The following PITPNC1 variants were observed in gnomAD, a reference collection of about 807,000 sequenced individuals.
PITPNC1 encodes the protein cytoplasmic phosphatidylinositol transfer protein 1.
A neutral mutation model predicts 44.7 loss-of-function variants in PITPNC1; 18 were observed. The ratio of observed to expected loss-of-function variants is 0.40; its 90% CI spans 0.28 to 0.60. The LOEUF (loss-of-function observed/expected upper bound fraction) is 0.60, where lower values mean the gene tolerates loss of function less well. Ranked by LOEUF, PITPNC1 falls within the 20% of genes least tolerant of loss-of-function variation. The pLI, the probability that PITPNC1 is intolerant of heterozygous loss-of-function variation, is 0.39. For synonymous variants in PITPNC1, 141 were observed against 149.6 expected, an observed-to-expected ratio of 0.94 and a Z score of 0.42; for missense variants, 290 against 418.4, an observed-to-expected ratio of 0.69 and a Z score of 2.68.
chr17:67,431,146 C>G (rs1000020659), intron 1 of PITPNC1, among the ~76,000 whole-genome samples: 1 of 149,620 alleles, frequency 6.7e-6, no homozygotes, highest in African/African-American at 2.5e-5. Context: ...GCAAGCTCCA[C>G]CTCCCGGGTT....
At chr17:67,685,857 G>C (rs879917507) in intron 8 of PITPNC1, among the ~76,000 whole-genome samples, 1 of 151,846 alleles carries the variant, frequency 6.6e-6, no homozygotes, top group African/African-American at 2.4e-5. Flanking sequence ...TTGAGACAGG[G>C]TCTCACTCTG....
chr17:67,556,062 G>T (rs1005591603), intron 4 of PITPNC1, among the ~76,000 whole-genome samples: 2 of 152,206 alleles, frequency 1.3e-5, no homozygotes, highest in African/African-American at 4.8e-5. Flanking sequence ...AAACAAGCTG[G>T]CCTCAGACCT....
intron 1 of PITPNC1, among the ~76,000 whole-genome samples, chr17:67,526,580 A>G (rs921600223): frequency 5.3e-5 from 8 of 151,368 alleles, no homozygotes; most frequent in African/African-American, 1.7e-4. Context: ...AAAATAACAA[A>G]ACTTAGCCAG....
intron 1 of PITPNC1, among the ~76,000 whole-genome samples, chr17:67,386,399 T>A (rs2038053317): frequency 6.6e-6 from 1 of 152,070 alleles, no homozygotes; most frequent in South Asian, 2.1e-4. Context: ...CACCATGTTG[T>A]CCAGGCTGGT....
intron 1 of PITPNC1, among the ~76,000 whole-genome samples, chr17:67,461,538 G>T (rs921419097): frequency 2.0e-5 from 3 of 152,218 alleles, no homozygotes; most frequent in African/African-American, 2.4e-5. Flanking sequence ...GGGTGATGAA[G>T]TTTTTCCAGC....
chr17:67,516,524 T>C (rs1315861548), intron 1 of PITPNC1, among the ~76,000 whole-genome samples: 1 of 152,214 alleles, frequency 6.6e-6, no homozygotes, highest in Non-Finnish European at 1.5e-5. Context: ...GATGACTCTG[T>C]CATGCATCTG....
intron 1 of PITPNC1, among the ~76,000 whole-genome samples, chr17:67,519,169 C>CTT (rs2040294304): frequency 9.0e-6 from 1 of 111,674 alleles, no homozygotes; most frequent in Non-Finnish European, 1.7e-5. Context: ...CAGCAGCATT[C>CTT]TGTTTTTTTT....
At chr17:67,566,052 T>C (rs2040976788) in intron 4 of PITPNC1, among the ~76,000 whole-genome samples, 1 of 152,202 alleles carries the variant, frequency 6.6e-6, no homozygotes, top group Admixed American at 6.5e-5. Flanking sequence ...TTAGAGTCGA[T>C]CCCAATGTAC....
intron 1 of PITPNC1, among the ~76,000 whole-genome samples, chr17:67,491,867 A>C (rs1194125060): frequency 2.6e-5 from 4 of 152,034 alleles, no homozygotes; most frequent in Non-Finnish European, 4.4e-5. Context: ...AAACCCCAAA[A>C]GTGTAAGTTG....
At position 67,466,479 on chromosome 17, in the gene PITPNC1, G is replaced by T. The variant is rs549010363; in HGVS notation, c.49-66323G>T. ...TGAAACTCACAGCAACCAGTGCCTA[G>T]TAAAGGATTCATGCAGGGCCCTCCC... On this transcript the variant is annotated intron_variant, in intron 1 of 8. Transcript: ENST00000581322. Among the ~76,000 whole-genome samples, 7 of 152,260 alleles carry T rather than the reference G, an allele frequency of 4.6e-5. No homozygotes were observed. The South Asian group carries it at 1.5e-3, about 32-fold the overall frequency.
intron 1 of PITPNC1, among the ~76,000 whole-genome samples, chr17:67,474,123 AATGGGCGGTGG>A (rs1280381527): frequency 6.6e-6 from 1 of 151,946 alleles, no homozygotes; most frequent in African/African-American, 2.4e-5. Context: ...CTGGGGGAGG[AATGGGCGGTGG>A]ATGGAGCGAA....
chr17:67,412,930 A>G (rs1272122789), intron 1 of PITPNC1, among the ~76,000 whole-genome samples: 1 of 152,142 alleles, frequency 6.6e-6, no homozygotes, highest in African/African-American at 2.4e-5. Flanking sequence ...GTTACTTTCT[A>G]GTTCTTATCG....
intron 5 of PITPNC1, among the ~76,000 whole-genome samples, chr17:67,606,770 T>C (rs1234618253): frequency 3.9e-5 from 6 of 152,044 alleles, no homozygotes; most frequent in Admixed American, 3.9e-4. Context: ...TTTTTTTTTT[T>C]CTTCTTCCCT....
intron 6 of PITPNC1, among the ~76,000 whole-genome samples, chr17:67,632,656 C>A (rs1211158084): frequency 6.6e-6 from 1 of 150,802 alleles, no homozygotes; most frequent in Non-Finnish European, 1.5e-5. Flanking sequence ...TGGCATCTGC[C>A]TCCCAGGTTC....
intron 1 of PITPNC1, chr17:67,471,534 T>G: frequency 2.7e-6 from 1 of 374,662 alleles, no homozygotes; most frequent in Non-Finnish European, 5.1e-6. Flanking sequence ...TGCCATTACT[T>G]TCAATGGCAA....
intron 1 of PITPNC1, among the ~76,000 whole-genome samples, chr17:67,515,806 C>T (rs906946761): frequency 2.6e-4 from 39 of 152,338 alleles, no homozygotes; most frequent in African/African-American, 9.4e-4. Context: ...CATTTGGAAA[C>T]ATTCAAATCC....
At position 67,499,726 on chromosome 17, in the gene PITPNC1, CTTATAG is replaced by C. The variant is rs571355890; in HGVS notation, c.49-33071_49-33066del. 2.0e-4 allele frequency among the ~76,000 whole-genome samples: 31 copies of C among 152,328 alleles called. No individual in the cohort carries two copies. In the South Asian group the frequency reaches 4.3e-3, roughly 21 times the overall value. ...TTTTCTGTGTTTAGATACACATACA[CTTATAG>C]TTATGTTACAGTTGCCTACAGCATT... On this transcript the variant is annotated intron_variant, in intron 1 of 8. Transcript: ENST00000581322.
intron 1 of PITPNC1, among the ~76,000 whole-genome samples, chr17:67,517,850 A>G (rs7209778): frequency 0.62 from 93,753 of 152,004 alleles, 29,162 homozygotes; most frequent in East Asian, 0.77. Flanking sequence ...ACAACCTTGC[A>G]AATATACTAA....
At chr17:67,430,509 C>T (rs2038840579) in intron 1 of PITPNC1, among the ~76,000 whole-genome samples, 1 of 151,642 alleles carries the variant, frequency 6.6e-6, no homozygotes, top group African/African-American at 2.4e-5. Flanking sequence ...CAAAAACAAA[C>T]TTAGAATGTT....
Sources: gnomAD v4.1 joint callset for allele counts (sites outside exome capture counted in the v4.1 genomes callset) on GRCh38, gnomAD v4.1.1 for gene constraint, MANE v1.5 for transcripts, NCBI Gene and HGNC (gene_info 2026-07-23, HGNC 2026-07-21) for gene names.